The following ATP6V0E1 variants were observed in gnomAD, a reference collection of about 807,000 sequenced individuals.
ATP6V0E1 encodes the protein ATPase H+ transporting V0 subunit e1, also known as V-type proton ATPase subunit e 1.
Under a neutral mutation model 11.6 loss-of-function variants are expected in ATP6V0E1, and 4 were observed. That is an observed-to-expected ratio of 0.35 (90% CI 0.17 to 0.79). ATP6V0E1 has a LOEUF of 0.79. ATP6V0E1 is among the 30% of genes least tolerant of loss of function. ATP6V0E1 has a pLI of 0.54. For missense variants in ATP6V0E1, 105 were observed against 100.0 expected, an observed-to-expected ratio of 1.05 and a Z score of -0.21; for synonymous variants, 36 against 34.8, an observed-to-expected ratio of 1.04 and a Z score of -0.13.
intron 2 of ATP6V0E1, among the ~76,000 whole-genome samples, chr5:173,000,761 C>T (rs908073736): frequency 2.7e-5 from 4 of 148,048 alleles, no homozygotes; most frequent in South Asian, 2.1e-4. Flanking sequence ...AGTGCAGTGG[C>T]GAGATCTCAG....
At chr5:173,030,921 GTATTTATTTATTTATTTATT>G (rs33921331) in intron 3 of ATP6V0E1, among the ~76,000 whole-genome samples, 1 of 141,798 alleles carries the variant, frequency 7.1e-6, no homozygotes, top group African/African-American at 2.7e-5. Flanking sequence ...GCTAATTTTT[GTATTTATTTATTTATTTATT>G]TATTTATTTA....
At chr5:173,013,297 C>T (rs540161455) in intron 2 of ATP6V0E1, among the ~76,000 whole-genome samples, 55 of 140,084 alleles carry the variant, frequency 3.9e-4, no homozygotes, top group African/African-American at 1.4e-3. Context: ...ACAACTTGGC[C>T]GGGCGCGGTG....
At chr5:173,017,676 A>G (rs1756423608) in intron 2 of ATP6V0E1, among the ~76,000 whole-genome samples, 1 of 152,074 alleles carries the variant, frequency 6.6e-6, no homozygotes, top group Admixed American at 6.6e-5. Flanking sequence ...CCTCTTCTCT[A>G]CTAAAAATAC....
At chr5:173,028,221 G>A (rs1756592088) in intron 3 of ATP6V0E1, among the ~76,000 whole-genome samples, 1 of 152,150 alleles carries the variant, frequency 6.6e-6, no homozygotes, top group South Asian at 2.1e-4. Flanking sequence ...GAATTATAGT[G>A]GTATCGTAAC....
intron 1 of ATP6V0E1, among the ~76,000 whole-genome samples, chr5:172,984,460 G>C (rs1428567511): frequency 6.6e-6 from 1 of 152,208 alleles, no homozygotes; most frequent in African/African-American, 2.4e-5. Flanking sequence ...CTTGCATCTA[G>C]TGGGCGCCAG....
In ATP6V0E1 at chr5:173,002,302, G is replaced by T. The variant is rs530400476; in HGVS notation, c.152+7480G>T. ...TCCGTAATTGTCTCATTATTTTACA[G>T]CTTGCTGGAATCAAGGTCCACATAA... On this transcript the variant is annotated intron_variant, in intron 2 of 3. Transcript: ENST00000519374. 4.6e-5 allele frequency among the ~76,000 whole-genome samples: 7 copies of T among 152,280 alleles called. No individual in the cohort carries two copies. In the South Asian group the frequency reaches 1.5e-3, roughly 32 times the overall value.
intron 2 of ATP6V0E1, among the ~76,000 whole-genome samples, chr5:173,008,753 C>CA (rs1197992139): frequency 1.4e-5 from 2 of 147,740 alleles, no homozygotes; most frequent in African/African-American, 2.5e-5. Flanking sequence ...ACTAAAAATA[C>CA]AAAAAAAATT....
At chr5:173,024,657 G>T (rs1756529311) in intron 3 of ATP6V0E1, among the ~76,000 whole-genome samples, 1 of 152,160 alleles carries the variant, frequency 6.6e-6, no homozygotes, top group East Asian at 1.9e-4. Context: ...TAAGAATCAC[G>T]ATCGGAGTGC....
At chr5:173,014,755 G>A (rs1239126562) in intron 2 of ATP6V0E1, among the ~76,000 whole-genome samples, 1 of 140,022 alleles carries the variant, frequency 7.1e-6, no homozygotes, top group Non-Finnish European at 1.5e-5. Context: ...GTAGCACAAT[G>A]GGTACAAACA....
At chr5:173,031,143 AC>A (rs1457775909) in intron 3 of ATP6V0E1, among the ~76,000 whole-genome samples, 27 of 151,806 alleles carry the variant, frequency 1.8e-4, no homozygotes, top group African/African-American at 6.3e-4. Flanking sequence ...ACGGGGTTTC[AC>A]TGTGTTAGCC....
chr5:172,985,485 C>A (rs1755883828), intron 1 of ATP6V0E1, among the ~76,000 whole-genome samples: 1 of 152,128 alleles, frequency 6.6e-6, no homozygotes, highest in Non-Finnish European at 1.5e-5. Flanking sequence ...AGTCAGAATT[C>A]TGGCATTATT....
intron 2 of ATP6V0E1, among the ~76,000 whole-genome samples, chr5:173,009,428 G>A (rs1257978215): frequency 1.4e-5 from 2 of 146,032 alleles, no homozygotes; most frequent in African/African-American, 5.1e-5. Context: ...CCCTGAACAG[G>A]TCACATTCAC....
At chr5:172,995,367 G>T (rs1756049516) in intron 2 of ATP6V0E1, among the ~76,000 whole-genome samples, 1 of 152,234 alleles carries the variant, frequency 6.6e-6, no homozygotes, top group Non-Finnish European at 1.5e-5. Context: ...CTCCCAAAGT[G>T]CTGGGATTAC....
At chr5:172,985,113 C>G in intron 1 of ATP6V0E1, among the ~76,000 whole-genome samples, 1 of 151,802 alleles carries the variant, frequency 6.6e-6, no homozygotes, top group Non-Finnish European at 1.5e-5. Context: ...GGCGTGGTGG[C>G]GGGCGCCTGT....
At chr5:173,014,626 G>T (rs1756375889) in intron 2 of ATP6V0E1, among the ~76,000 whole-genome samples, 1 of 152,126 alleles carries the variant, frequency 6.6e-6, no homozygotes, top group Non-Finnish European at 1.5e-5. Flanking sequence ...AGTGCAGAAA[G>T]ACAAATATCA....
chr5:173,026,191 TC>T (rs1459041339), intron 3 of ATP6V0E1, among the ~76,000 whole-genome samples: 3 of 152,018 alleles, frequency 2.0e-5, no homozygotes, highest in Non-Finnish European at 4.4e-5. Context: ...AGACAGTGTT[TC>T]GCTTTGTTGC....
chr5:172,995,750 G>A (rs927583485), intron 2 of ATP6V0E1, among the ~76,000 whole-genome samples: 5 of 152,126 alleles, frequency 3.3e-5, no homozygotes, highest in Admixed American at 6.6e-5. Flanking sequence ...AAGTAGTTGG[G>A]ACTATAGTCA....
At chr5:173,018,995 G>T (rs1246062750) in intron 2 of ATP6V0E1, among the ~76,000 whole-genome samples, 1 of 151,978 alleles carries the variant, frequency 6.6e-6, no homozygotes, top group Non-Finnish European at 1.5e-5. Flanking sequence ...TCACTCTGTT[G>T]CCCAGGCTGG....
At chr5:173,029,469 C>A (rs1462368760) in intron 3 of ATP6V0E1, among the ~76,000 whole-genome samples, 1 of 152,132 alleles carries the variant, frequency 6.6e-6, no homozygotes, top group Non-Finnish European at 1.5e-5. Flanking sequence ...CTCCTTCAGG[C>A]ACCCTGATTT....
Sources: gnomAD v4.1 joint callset for allele counts (sites outside exome capture counted in the v4.1 genomes callset) on GRCh38, gnomAD v4.1.1 for gene constraint, MANE v1.5 for transcripts, NCBI Gene and HGNC (gene_info 2026-07-23, HGNC 2026-07-21) for gene names.